Variants in PCDHGB5 observed in about 807,000 individuals in gnomAD.
The protein encoded by PCDHGB5 is protocadherin gamma-B5.
Under a neutral mutation model 62.9 loss-of-function variants are expected in PCDHGB5, and 48 were observed. The ratio of observed to expected loss-of-function variants is 0.76; its 90% CI spans 0.61 to 0.97. The LOEUF is 0.97. Among genes scored for constraint, PCDHGB5 ranks in the 50% least tolerant of loss-of-function variants. The probability of loss-of-function intolerance (pLI) is 0.00; values close to 1 mark genes in which losing one functional copy is unlikely to be tolerated. For synonymous variants in PCDHGB5, 474 were observed against 511.2 expected (o/e 0.93, Z 0.98); for missense variants, 1,118 against 1,198.6 (o/e 0.93, Z 0.99).
At chr5:141,500,728 T>C (rs556463739) in intron 2 of PCDHGB5, among the ~76,000 whole-genome samples, 1 of 152,310 alleles carries the variant, frequency 6.6e-6, no homozygotes, top group South Asian at 2.1e-4. Context: ...CCCATGTCTT[T>C]CAAAATTCTT....
Position 141,410,082 on chromosome 5 carries a change from G to A in PCDHGB5, c.2397+9558G>A, listed in dbSNP as rs780485949. 1.6e-5 allele frequency: 25 copies of A among 1,612,386 alleles called. No individual in the cohort carries two copies. The Admixed American group carries it at 3.8e-4, about 25-fold the overall frequency. On this transcript the variant is annotated intron_variant, in intron 1 of 3. Transcript: ENST00000617380. ...CTGGGGCTGCGCACTGGGGAGGTGC[G>A]CACGGCTCGAGCCTTAGGCGACAGG... is the stretch of plus-strand genomic sequence containing the variant.
In PCDHGB5 at chr5:141,418,814, A is replaced by G. The variant is rs2096290321; in HGVS notation, c.2397+18290A>G. ...AGAAGTAGAAAGATATACGATAAACATAGAAGCAAAAGACCGAGGATCTCT... is the reference window on the plus strand; with the variant it reads ...AGAAGTAGAAAGATATACGATAAACGTAGAAGCAAAAGACCGAGGATCTCT... On this transcript the variant is annotated intron_variant, in intron 1 of 3. Transcript: ENST00000617380. The G allele has an allele frequency of 6.2e-7, 1 of 1,613,962 alleles. No individual in the cohort carries two copies.
chr5:141,485,174 A>G lies in PCDHGB5; in HGVS notation c.2398-9633A>G. 6.2e-7 allele frequency: 1 copy of G among 1,611,406 alleles called. No individual in the cohort carries two copies. The highest frequency in any genetic ancestry group is 8.5e-7 in the Non-Finnish European group (1 of 1,177,898). ...AGTAGAGAATTAGCGGGCGGCAGCA[A>G]TGCTCCGCAAGGTGAGAAGCTGGAC... On this transcript the variant is annotated intron_variant, in intron 1 of 3. Coordinates refer to ENST00000617380, the MANE Select transcript of PCDHGB5 (RefSeq NM_018925.3). The surrounding 1 kb of genome is among the most constrained non-coding windows in gnomAD (Gnocchi z 5.7).
chr5:141,415,404 C>A lies in PCDHGB5; in HGVS notation c.2397+14880C>A, dbSNP rs199662613. On this transcript the variant is annotated intron_variant, in intron 1 of 3. Transcript: ENST00000617380. ...GCTTGACAGGTGTGTCCGGCTCGCA[C>A]TTTGTGGGCGTGGACGGGGTTCGGG... The A allele has an allele frequency of 2.2e-4, 363 of 1,614,238 alleles. 1 individual carries two copies. Among genetic ancestry groups the A allele is most frequent in the Non-Finnish European group, 6.8e-6 (8 of 1,180,048 alleles).
chr5:141,432,649 A>C lies in PCDHGB5; in HGVS notation c.2397+32125A>C, dbSNP rs769351399. The C allele has an allele frequency of 5.6e-6, 9 of 1,613,742 alleles. No individual in the cohort carries two copies. The highest frequency in any genetic ancestry group is 6.8e-6 in the Non-Finnish European group (8 of 1,179,918). ...ACACGGGCGAGGTGCGCACGGCGCG[A>C]GCCCTGCTGGACAGAGACGCGCTCA... is the stretch of plus-strand genomic sequence containing the variant. On this transcript the variant is annotated intron_variant, in intron 1 of 3. Transcript: ENST00000617380. This position sits in a 1 kb window ranked among gnomAD's most constrained non-coding sequence, Gnocchi z 6.0.
At chr5:141,483,104 A>G (rs2099577128) in intron 1 of PCDHGB5, among the ~76,000 whole-genome samples, 1 of 152,140 alleles carries the variant, frequency 6.6e-6, no homozygotes, top group African/African-American at 2.4e-5. Flanking sequence ...GTGTGCGTGT[A>G]AAACAGACAG....
At chr5:141,401,976 G>A (rs1479930250) in intron 1 of PCDHGB5, among the ~76,000 whole-genome samples, 2 of 152,062 alleles carry the variant, frequency 1.3e-5, no homozygotes, top group Admixed American at 1.3e-4. Context: ...ATTGATGAAG[G>A]ATTAAAATAG....
At chr5:141,409,050 G>C (rs371257178) in intron 1 of PCDHGB5, 1 of 1,613,988 alleles carries the variant, frequency 6.2e-7, no homozygotes. Context: ...TACTTCCGAA[G>C]CACTGCCCAG....
chr5:141,465,786 T>G (rs1236517595), intron 1 of PCDHGB5, among the ~76,000 whole-genome samples: 1 of 152,136 alleles, frequency 6.6e-6, no homozygotes, highest in Non-Finnish European at 1.5e-5. Flanking sequence ...ACAGTTTTTT[T>G]TTTTTTAAGA....
At position 141,505,406 on chromosome 5, in the gene PCDHGB5, G is replaced by A. The variant is rs546453598; in HGVS notation, c.2470G>A (p.Asp824Asn). 61 of 1,614,174 alleles carry A rather than the reference G, an allele frequency of 3.8e-5. No individual in the cohort carries two copies. The highest frequency in any genetic ancestry group is 1.1e-4 in the East Asian group (5 of 44,866). ...RPGTSGSQNG[D>N]DTGTWPNNQF... Reference sequence around the variant, plus strand: ...CTCTCTCCCCAGCTCCCAAAATGGCGATGACACCGGCACCTGGCCCAACAA... The same window carrying A: ...CTCTCTCCCCAGCTCCCAAAATGGCAATGACACCGGCACCTGGCCCAACAA... Residue 824 changes from aspartate to asparagine, a missense_variant, in exon 3 of 4, where the codon GAT (aspartate) becomes AAT (asparagine). Transcript: ENST00000617380.
intron 1 of PCDHGB5, chr5:141,415,644 A>G: frequency 6.2e-7 from 1 of 1,600,070 alleles, no homozygotes; most frequent in Non-Finnish European, 8.5e-7. Flanking sequence ...CTTTTGTTAA[A>G]AAAAAAAAGA....
Position 141,476,696 on chromosome 5 carries a change from G to T in PCDHGB5, c.2398-18111G>T, listed in dbSNP as rs750429892. ...GACGCGGGAGGACAGCACCAAGTAC[G>T]CGGAGCTGGTGTTGGAGCGCGCCCT... On this transcript the variant is annotated intron_variant, in intron 1 of 3. Transcript: ENST00000617380. This position sits in a 1 kb window ranked among gnomAD's most constrained non-coding sequence, Gnocchi z 7.6. 3 of 1,614,102 alleles carry T rather than the reference G, an allele frequency of 1.9e-6. No individual in the cohort carries two copies. The highest frequency in any genetic ancestry group is 2.5e-6 in the Non-Finnish European group (3 of 1,180,050).
chr5:141,420,934 C>T, intron 1 of PCDHGB5: 1 of 377,936 alleles, frequency 2.6e-6, no homozygotes, highest in South Asian at 5.3e-5. Context: ...TGAGCGTAAT[C>T]ATTTCTTCTG....
chr5:141,463,886 C>T (rs1327677210), intron 1 of PCDHGB5, among the ~76,000 whole-genome samples: 3 of 152,118 alleles, frequency 2.0e-5, no homozygotes, highest in African/African-American at 4.8e-5. Flanking sequence ...AAAGTTTTCA[C>T]CTTGCTTTTT....
At chr5:141,459,375 C>T (rs973503237) in intron 1 of PCDHGB5, among the ~76,000 whole-genome samples, 2 of 152,194 alleles carry the variant, frequency 1.3e-5, no homozygotes, top group African/African-American at 4.8e-5. Flanking sequence ...GTATCAGCAG[C>T]GTGTTCCATT....
chr5:141,410,104 C>G, intron 1 of PCDHGB5: 1 of 1,612,582 alleles, frequency 6.2e-7, no homozygotes, highest in Non-Finnish European at 8.5e-7. Context: ...CCTTAGGCGA[C>G]AGGGACGCAG....
rs1231121250 is a variant in PCDHGB5 at position 141,399,544 on chromosome 5, T to G, written c.1417T>G (p.Ser473Ala). The G allele has an allele frequency of 5.6e-6, 9 of 1,614,022 alleles. No individual in the cohort carries two copies. The highest frequency in any genetic ancestry group is 7.6e-6 in the Non-Finnish European group (9 of 1,179,882). ...PGASIAQVCA[S>A]DLDLGLNGQV... is the part of the protein sequence containing the mutation. ...GGCCTCCATCGCGCAAGTCTGCGCCTCGGACCTGGACTTGGGGTTGAACGG... is the reference window on the plus strand; with the variant it reads ...GGCCTCCATCGCGCAAGTCTGCGCCGCGGACCTGGACTTGGGGTTGAACGG... Residue 473 changes from serine to alanine, a missense_variant, in exon 1 of 4, where the codon TCG becomes GCG. Ser to Ala is a moderately conservative substitution (Grantham distance 99). Transcript: ENST00000617380.
At chr5:141,409,081 A>G (rs1220843821) in intron 1 of PCDHGB5, 3 of 1,613,820 alleles carry the variant, frequency 1.9e-6, no homozygotes, top group Non-Finnish European at 2.5e-6. Context: ...ATATGTTCTC[A>G]TTGGATGAGA....
chr5:141,503,556 G>A (rs1021346255), intron 2 of PCDHGB5, among the ~76,000 whole-genome samples: 1 of 145,962 alleles, frequency 6.9e-6, no homozygotes, highest in East Asian at 2.0e-4. Context: ...CCGAGATCGC[G>A]CCACTGTACT....
Sources: allele counts gnomAD v4.1 joint callset (sites outside exome capture counted in the v4.1 genomes callset), GRCh38; gene constraint gnomAD v4.1.1; non-coding constraint Gnocchi (gnomAD v3.1); transcripts MANE v1.5; gene names NCBI Gene and HGNC (gene_info 2026-07-23, HGNC 2026-07-21).